NAA35: variants seen among roughly 807,000 people sequenced by gnomAD.
NAA35 encodes the protein N-alpha-acetyltransferase 35, NatC auxiliary subunit.
A neutral mutation model predicts 101.7 loss-of-function variants in NAA35; 18 were observed. The ratio of observed to expected loss-of-function variants is 0.18; its 90% CI spans 0.12 to 0.26. The LOEUF (loss-of-function observed/expected upper bound fraction) is 0.26. NAA35 is among the 10% of genes least tolerant of loss of function. NAA35 has a pLI of 1.00. For synonymous variants in NAA35, 267 were observed against 273.1 expected (o/e 0.98, Z 0.22); for missense variants, 601 against 886.8 (o/e 0.68, Z 4.09).
At chr9:85,981,953 C>A (rs1311440493) in intron 11 of NAA35, among the ~76,000 whole-genome samples, 1 of 152,160 alleles carries the variant, frequency 6.6e-6, no homozygotes, top group African/African-American at 2.4e-5. Context: ...AATCACTGAG[C>A]ATTCATTTTA....
At chr9:85,987,410 T>C (rs1173337055) in intron 11 of NAA35, among the ~76,000 whole-genome samples, 1 of 152,254 alleles carries the variant, frequency 6.6e-6, no homozygotes. Context: ...CCCAGTCGGC[T>C]TAACTTGCCC....
At chr9:86,021,216 CTT>C (rs1321360475) in intron 22 of NAA35, among the ~76,000 whole-genome samples, 1 of 152,056 alleles carries the variant, frequency 6.6e-6, no homozygotes, top group Non-Finnish European at 1.5e-5. Context: ...TACTGAATAA[CTT>C]GGGGTAAAAA....
intron 17 of NAA35, among the ~76,000 whole-genome samples, chr9:86,016,208 C>A (rs754398042): frequency 2.6e-4 from 40 of 151,644 alleles, no homozygotes; most frequent in Admixed American, 5.3e-4. Context: ...AATTTTTTAT[C>A]TTTTTCTGAT....
intron 22 of NAA35, among the ~76,000 whole-genome samples, 196 bp downstream of exon 22, chr9:86,021,165 A>G (rs1564332245): frequency 6.6e-6 from 1 of 152,328 alleles, no homozygotes; most frequent in South Asian, 2.1e-4. Context: ...TAAAATTTCT[A>G]AAGTCTGCCT....
chr9:85,965,688 A>G (rs142246174), intron 6 of NAA35, among the ~76,000 whole-genome samples: 1 of 152,156 alleles, frequency 6.6e-6, no homozygotes, highest in Non-Finnish European at 1.5e-5. Flanking sequence ...TTGGAAAAAA[A>G]ATGAGATTGA....
intron 17 of NAA35, among the ~76,000 whole-genome samples, chr9:86,014,168 A>G (rs1029863468): frequency 2.0e-5 from 3 of 152,236 alleles, no homozygotes; most frequent in East Asian, 1.9e-4. Context: ...ATTTGCTCCT[A>G]TGGAGAAAAA....
intron 14 of NAA35, among the ~76,000 whole-genome samples, chr9:86,008,090 G>A (rs564877571): frequency 2.1e-4 from 32 of 152,240 alleles, no homozygotes; most frequent in South Asian, 4.1e-4. Flanking sequence ...GTATTTGCAT[G>A]TACATAATGT....
At chr9:86,015,847 T>C in intron 17 of NAA35, 1 of 919,474 alleles carries the variant, frequency 1.1e-6, no homozygotes, top group South Asian at 5.0e-5. Flanking sequence ...TGAATTAAGA[T>C]ATATGAGTTG....
rs374951377 is a variant in NAA35, at chr9:85,942,127, C to T, written c.-5-28C>T. ...ACTCTTGCCCTGAAAGCTACATCCT[C>T]TCTCTTACATCAGTATTAATTTTAC... On this transcript the variant is annotated intron_variant, in intron 1 of 22. Transcript: ENST00000361671. 72 of 1,599,670 alleles carry T rather than the reference C, an allele frequency of 4.5e-5. 2 individuals are homozygous for T. The highest frequency in any genetic ancestry group is 2.3e-4 in the Admixed American group (13 of 55,922).
chr9:86,003,302 A>G (rs538833794), intron 12 of NAA35, among the ~76,000 whole-genome samples: 12 of 152,180 alleles, frequency 7.9e-5, no homozygotes, highest in Non-Finnish European at 1.6e-4. Context: ...GACTTAGTAA[A>G]TTATTATTGG....
intron 6 of NAA35, among the ~76,000 whole-genome samples, chr9:85,969,714 G>A (rs535201096): frequency 3.3e-5 from 5 of 152,140 alleles, no homozygotes; most frequent in Non-Finnish European, 7.4e-5. Context: ...AAAAAATTTA[G>A]CCAGGCATGG....
In NAA35 at chr9:85,996,954, T is replaced by A. The variant is rs77691498; in HGVS notation, c.1056+377T>A. 0.022 allele frequency among the ~76,000 whole-genome samples: 3,299 copies of A among 151,812 alleles called. 373 individuals carry two copies. In the East Asian group the frequency reaches 0.36, roughly 17 times the overall value. On this transcript the variant is annotated intron_variant, in intron 12 of 22. Coordinates refer to ENST00000361671, the MANE Select transcript of NAA35 (RefSeq NM_024635.4). ...GTGAACTTAAACTCTTTTTTTTTTT[T>A]AATTTTTTTTGTGGAGATGGGGGCC...
intron 2 of NAA35, among the ~76,000 whole-genome samples, chr9:85,955,048 G>T (rs1215884005): frequency 6.6e-6 from 1 of 151,776 alleles, no homozygotes; most frequent in Non-Finnish European, 1.5e-5. Flanking sequence ...CTCCCAAGTA[G>T]CTGGGATTAC....
At chr9:86,009,978 TG>T in intron 15 of NAA35, 47 bp downstream of exon 15, 4 of 1,515,476 alleles carry the variant, frequency 2.6e-6, no homozygotes, top group Non-Finnish European at 3.7e-6. Context: ...TTAAAAATCA[TG>T]GGCTGTGGCC....
intron 11 of NAA35, among the ~76,000 whole-genome samples, chr9:85,985,306 T>C (rs774566508): frequency 1.3e-5 from 2 of 152,194 alleles, no homozygotes; most frequent in Non-Finnish European, 2.9e-5. Flanking sequence ...AGTTATACAC[T>C]AATGCTCATA....
chr9:86,014,971 G>C (rs1832131488), intron 17 of NAA35, among the ~76,000 whole-genome samples: 1 of 151,996 alleles, frequency 6.6e-6, no homozygotes, highest in African/African-American at 2.4e-5. Context: ...TTGCCATGTT[G>C]CCCGGGTTGG....
intron 11 of NAA35, among the ~76,000 whole-genome samples, chr9:85,994,394 T>C (rs1024757999): frequency 1.3e-5 from 2 of 152,182 alleles, no homozygotes; most frequent in Non-Finnish European, 2.9e-5. Flanking sequence ...CAAGTGATAT[T>C]ATGCAATACT....
rs1014806006 is a variant in NAA35 at position 86,023,628 on chromosome 9, T to G, written c.*1668T>G. ...ATGCAACAAGGGCCCTGCTAGATGA[T>G]GGGATCACTTTTAATTAAGAGGGTG... is the stretch of plus-strand genomic sequence containing the variant. On this transcript the variant is annotated 3_prime_UTR_variant, in exon 23 of 23. Coordinates refer to ENST00000361671, the MANE Select transcript of NAA35 (RefSeq NM_024635.4). Among the ~76,000 whole-genome samples, 1 of 152,198 alleles carries G rather than the reference T, an allele frequency of 6.6e-6. No homozygotes were observed. Among genetic ancestry groups the G allele is most frequent in the African/African-American group, 2.4e-5 (1 of 41,450 alleles).
At position 85,989,525 on chromosome 9, in the gene NAA35, C is replaced by T. The variant is rs1369187746; in HGVS notation, c.878-6874C>T. 3.3e-5 allele frequency among the ~76,000 whole-genome samples: 5 copies of T among 151,868 alleles called. No individual in the cohort carries two copies. The East Asian group carries it at 9.6e-4, about 29-fold the overall frequency. On this transcript the variant is annotated intron_variant, in intron 11 of 22. Coordinates refer to ENST00000361671, the MANE Select transcript of NAA35 (RefSeq NM_024635.4). ...CAAAGACAAAACAAAAAAACTGTGA[C>T]CTAAGAGTTTTACACCCATTCCAAA...
Sources: gnomAD v4.1 joint callset for allele counts (sites outside exome capture counted in the v4.1 genomes callset) on GRCh38, gnomAD v4.1.1 for gene constraint, MANE v1.5 for transcripts, NCBI Gene and HGNC (gene_info 2026-07-23, HGNC 2026-07-21) for gene names.